ERICH3: variants seen among roughly 807,000 people sequenced by gnomAD.
The protein encoded by ERICH3 is glutamate rich 3.
ERICH3 carries 126 observed loss-of-function variants against 131.1 expected under a neutral mutation model. The ratio of observed to expected loss-of-function variants is 0.96; its 90% CI spans 0.83 to 1.11. The LOEUF is 1.11. ERICH3 is among the 50% of genes most tolerant of loss of function. The pLI, the probability that ERICH3 is intolerant of heterozygous loss-of-function variation, is 0.00. For synonymous variants in ERICH3, 695 were observed against 644.6 expected (o/e 1.08, Z -1.18); for missense variants, 2,050 against 1,810.7 (o/e 1.13, Z -2.40).
chr1:74,572,927 G>T lies in ERICH3; in HGVS notation c.2783C>A (p.Ser928Ter). ...EVAALREAATSEEGEAEGGVA... is the reference protein window; with the variant it reads ...EVAALREAAT ...CCCACCCTCAGCCTCTCCCTCCTCC[G>T]ATGTCGCTGCCTCTCTCAGGGCTGC... The change falls in exon 14 of 15, where the codon TCG becomes TAG. Residue 928 changes from serine to a stop codon, truncating the protein, a stop_gained. Transcript: ENST00000326665. LOFTEE classifies it high-confidence loss of function. 4.3e-6 allele frequency: 7 copies of T among 1,613,718 alleles called. No homozygotes were observed. The highest frequency in any genetic ancestry group is 5.9e-6 in the Non-Finnish European group (7 of 1,179,922).
At chr1:74,612,923 C>A (rs1648770198) in intron 8 of ERICH3, 114 bp from the exon 9 acceptor site, 2 of 889,792 alleles carry the variant, frequency 2.2e-6, no homozygotes, top group Non-Finnish European at 3.2e-6. Flanking sequence ...CAGGGGTGTC[C>A]AATCTTTTGG....
At chr1:74,603,141 C>A (rs138263423) in intron 10 of ERICH3, among the ~76,000 whole-genome samples, 1 of 151,812 alleles carries the variant, frequency 6.6e-6, no homozygotes, top group South Asian at 2.1e-4. Flanking sequence ...GGTACCCCAA[C>A]CCATGGTTAT....
intron 3 of ERICH3, among the ~76,000 whole-genome samples, chr1:74,643,791 A>G (rs1646456608): frequency 6.6e-6 from 1 of 152,110 alleles, no homozygotes; most frequent in Non-Finnish European, 1.5e-5. Context: ...GAGGAGCTGT[A>G]ATTTCAACCT....
intron 8 of ERICH3, among the ~76,000 whole-genome samples, chr1:74,615,715 C>T (rs1300764091): frequency 6.6e-6 from 1 of 152,100 alleles, no homozygotes; most frequent in African/African-American, 2.4e-5. Context: ...TGAAAAATTA[C>T]TGAACTTTAG....
rs548166633 is a variant in ERICH3 at position 74,597,282 on chromosome 1, G to A, written c.1726+2413C>T. On this transcript the variant is annotated intron_variant, in intron 11 of 14. Coordinates refer to ENST00000326665, the MANE Select transcript of ERICH3 (RefSeq NM_001002912.5). Reference sequence around the variant, plus strand: ...CACAAAGGCAAGTTATCAAAATAAAGGAATGGAAAATAAGAAAGTCTGACG... The same window carrying A: ...CACAAAGGCAAGTTATCAAAATAAAAGAATGGAAAATAAGAAAGTCTGACG... 4.6e-5 allele frequency among the ~76,000 whole-genome samples: 7 copies of A among 151,952 alleles called. No homozygotes were observed. In the East Asian group the frequency reaches 5.8e-4, roughly 13 times the overall value.
rs558470828 is a variant in ERICH3 at position 74,617,998 on chromosome 1, C to A, written c.1000+2736G>T. Among the ~76,000 whole-genome samples the A allele has an allele frequency of 7.2e-5, 11 of 152,056 alleles. No homozygotes were observed. In the South Asian group the frequency reaches 2.1e-3, roughly 29 times the overall value. Reference sequence around the variant, plus strand: ...TTGCTGGAGTCCAGGAGTTTGAGACCAGACTGGGCAACATAGCAAGACCCT... The same window carrying A: ...TTGCTGGAGTCCAGGAGTTTGAGACAAGACTGGGCAACATAGCAAGACCCT... On this transcript the variant is annotated intron_variant, in intron 8 of 14. Coordinates refer to ENST00000326665, the MANE Select transcript of ERICH3 (RefSeq NM_001002912.5).
At chr1:74,613,900 C>G (rs909578030) in intron 8 of ERICH3, among the ~76,000 whole-genome samples, 1 of 152,090 alleles carries the variant, frequency 6.6e-6, no homozygotes, top group Non-Finnish European at 1.5e-5. Context: ...CTCTCTGGAC[C>G]CTTCCACATC....
rs201877026 is a variant in ERICH3, at chr1:74,597,314, T to TA, written c.1726+2380dup. The stretch of plus-strand genomic sequence containing the variant: ...AAAATAAGAAAGTCTGACGATGGAG[T>TA]AAAAAAAAACCATAATCAGCAATGA... On this transcript the variant is annotated intron_variant, in intron 11 of 14. Transcript: ENST00000326665. 2.9e-3 allele frequency among the ~76,000 whole-genome samples: 432 copies of TA among 150,584 alleles called. 4 individuals carry two copies. Among genetic ancestry groups the TA allele is most frequent in the Admixed American group, 0.017 (261 of 15,082 alleles).
chr1:74,587,059 C>T lies in ERICH3; in HGVS notation c.2176+2572G>A, dbSNP rs112462132. Among the ~76,000 whole-genome samples the T allele has an allele frequency of 2.8e-3, 425 of 152,224 alleles. 2 individuals carry two copies. The highest frequency in any genetic ancestry group is 4.7e-3 in the Non-Finnish European group (317 of 68,004). On this transcript the variant is annotated intron_variant, in intron 12 of 14. Transcript: ENST00000326665. ...AAGATAAACAGGCTGGGCATGGTGGCTCATGCCTGTAATCCCAACACTTTG... is the reference window on the plus strand; with the variant it reads ...AAGATAAACAGGCTGGGCATGGTGGTTCATGCCTGTAATCCCAACACTTTG...
intron 7 of ERICH3, among the ~76,000 whole-genome samples, chr1:74,631,407 A>G (rs939041581): frequency 1.3e-5 from 2 of 152,146 alleles, no homozygotes; most frequent in African/African-American, 4.8e-5. Flanking sequence ...GATGTTTCTA[A>G]CAACATGTGA....
chr1:74,569,700 G>C lies in ERICH3; in HGVS notation c.*758C>G, dbSNP rs1380680567. 6.6e-6 allele frequency: 1 copy of C among 151,892 alleles called. No homozygotes were observed. The highest frequency in any genetic ancestry group is 1.5e-5 in the Non-Finnish European group (1 of 68,000). 9.4% of individuals were successfully genotyped at this position (151,892 alleles called of 1,614,324 possible). ...TTATTTACTACTTTTATTTAAATTT[G>C]AGTGGCCCTATAAAGAAGGCCCCAG... On this transcript the variant is annotated 3_prime_UTR_variant, in exon 15 of 15. Coordinates refer to ENST00000326665, the MANE Select transcript of ERICH3 (RefSeq NM_001002912.5).
At chr1:74,622,706 T>C (rs1272510659) in intron 7 of ERICH3, 1 of 152,162 alleles carries the variant, frequency 6.6e-6, no homozygotes, top group Non-Finnish European at 1.5e-5. Context: ...TACTAGGTAA[T>C]AGTGGGATTA....
chr1:74,635,383 A>G (rs758330098), intron 6 of ERICH3, among the ~76,000 whole-genome samples: 3 of 152,212 alleles, frequency 2.0e-5, no homozygotes, highest in Non-Finnish European at 4.4e-5. Context: ...GCAGATTAAT[A>G]TATTATTATT....
intron 8 of ERICH3, among the ~76,000 whole-genome samples, chr1:74,620,045 G>T (rs982579247): frequency 3.9e-5 from 6 of 152,110 alleles, no homozygotes; most frequent in African/African-American, 1.4e-4. Context: ...CTTTTAATTA[G>T]TAAAAATGCT....
At chr1:74,664,975 T>C (rs553053441) in intron 1 of ERICH3, among the ~76,000 whole-genome samples, 10 of 152,328 alleles carry the variant, frequency 6.6e-5, no homozygotes, top group African/African-American at 2.2e-4. Context: ...TTCTCCATGT[T>C]ATAGACTTAA....
chr1:74,606,563 C>T (rs1322463034), intron 10 of ERICH3, 38 bp downstream of exon 10: 2 of 1,542,688 alleles, frequency 1.3e-6, no homozygotes, highest in Middle Eastern at 1.7e-4. Context: ...AACGAAACAG[C>T]CACAGCTACA....
chr1:74,665,819 G>C (rs938406274), intron 1 of ERICH3, among the ~76,000 whole-genome samples: 4 of 152,132 alleles, frequency 2.6e-5, no homozygotes, highest in Non-Finnish European at 5.9e-5. Context: ...CTGAGGAACT[G>C]AGGGTTAGGA....
chr1:74,571,616 G>T lies in ERICH3; in HGVS notation c.4094C>A (p.Thr1365Lys). The T allele has an allele frequency of 4.3e-6, 7 of 1,614,138 alleles. No homozygotes were observed. The highest frequency in any genetic ancestry group is 5.9e-6 in the Non-Finnish European group (7 of 1,180,020). The change falls in exon 14 of 15, where the codon ACA becomes AAA. Residue 1365 changes from threonine (T) to lysine (K), a missense_variant. Transcript: ENST00000326665. ...EEREVLAGSE[T>K]AEEKTIANKA... Reference sequence around the variant, plus strand: ...ATTTGCTATTGTTTTCTCCTCGGCTGTCTCCGAACCTGCCAACACCTCCCT... The same window carrying T: ...ATTTGCTATTGTTTTCTCCTCGGCTTTCTCCGAACCTGCCAACACCTCCCT...
At chr1:74,590,941 T>C (rs1388403739) in intron 11 of ERICH3, among the ~76,000 whole-genome samples, 1 of 152,224 alleles carries the variant, frequency 6.6e-6, no homozygotes, top group Non-Finnish European at 1.5e-5. Context: ...AAAAAATGAA[T>C]AATCCTTTGT....
Sources: allele counts gnomAD v4.1 joint callset (sites outside exome capture counted in the v4.1 genomes callset), GRCh38; gene constraint gnomAD v4.1.1; transcripts MANE v1.5; gene names NCBI Gene and HGNC (gene_info 2026-07-23, HGNC 2026-07-21).